The following UPP2 variants were observed in gnomAD, a reference collection of about 807,000 sequenced individuals.
UPP2 encodes uridine phosphorylase 2, also known as UPase 2.
Under a neutral mutation model 26.7 loss-of-function variants are expected in UPP2, and 23 were observed. The observed-to-expected ratio is 0.86, with a 90% confidence interval of 0.62 to 1.22. The LOEUF (loss-of-function observed/expected upper bound fraction) is 1.22. Ranked by LOEUF, UPP2 falls within the 50% of genes most tolerant of loss-of-function variation. UPP2 has a pLI of 0.00. For synonymous variants in UPP2, 127 were observed against 141.3 expected, an observed-to-expected ratio of 0.90 and a Z score of 0.72; for missense variants, 387 against 396.7, an observed-to-expected ratio of 0.98 and a Z score of 0.21.
intron 3 of UPP2, among the ~76,000 whole-genome samples, chr2:158,032,684 GTA>G (rs1683941438): frequency 6.6e-6 from 1 of 152,142 alleles, no homozygotes; most frequent in South Asian, 2.1e-4. Flanking sequence ...CTGGAACACA[GTA>G]TGTCTGGGAC....
intron 2 of UPP2, among the ~76,000 whole-genome samples, chr2:158,013,389 TG>T (rs1288719037): frequency 2.0e-5 from 3 of 152,358 alleles, no homozygotes; most frequent in African/African-American, 7.2e-5. Flanking sequence ...TTTAGGCATA[TG>T]GGCATCCATT....
chr2:158,089,280 G>C (rs1450050629), intron 3 of UPP2, among the ~76,000 whole-genome samples: 1 of 152,108 alleles, frequency 6.6e-6, no homozygotes, highest in East Asian at 1.9e-4. Flanking sequence ...TTAGTTACAG[G>C]CCTCACCTGG....
intron 3 of UPP2, among the ~76,000 whole-genome samples, chr2:158,049,488 T>G (rs1376223102): frequency 6.6e-6 from 1 of 152,252 alleles, no homozygotes; most frequent in African/African-American, 2.4e-5. Context: ...TTTAAACTTC[T>G]TCATCTGCTT....
intron 6 of UPP2, among the ~76,000 whole-genome samples, chr2:158,134,476 C>T (rs1683889811): frequency 6.6e-6 from 1 of 152,200 alleles, no homozygotes; most frequent in South Asian, 2.1e-4. Flanking sequence ...GAACATGATG[C>T]TTTCCTGAGC....
At chr2:158,007,695 A>G (rs1283490362) in intron 2 of UPP2, among the ~76,000 whole-genome samples, 1 of 149,212 alleles carries the variant, frequency 6.7e-6, no homozygotes, top group African/African-American at 2.5e-5. Context: ...TGGAGTGATC[A>G]CTGCAACCTC....
intron 3 of UPP2, among the ~76,000 whole-genome samples, chr2:158,074,817 G>T (rs1421591143): frequency 6.6e-6 from 1 of 150,880 alleles, no homozygotes; most frequent in Non-Finnish European, 1.5e-5. Context: ...AAAAGACAGG[G>T]TGACTGAGAG....
At chr2:158,103,830 A>G (rs4485524) in intron 1 of UPP2, among the ~76,000 whole-genome samples, 15,724 of 152,178 alleles carry the variant, frequency 0.1, 1,612 homozygotes, top group African/African-American at 0.26. Context: ...CTGACCACAC[A>G]CTGTATAACA....
At chr2:158,003,785 C>T (rs1287611664) in intron 2 of UPP2, among the ~76,000 whole-genome samples, 1 of 151,124 alleles carries the variant, frequency 6.6e-6, no homozygotes, top group Non-Finnish European at 1.5e-5. Context: ...ATTAGTACAA[C>T]CTCATGGCTT....
intron 2 of UPP2, among the ~76,000 whole-genome samples, chr2:158,006,060 G>C (rs1048693852): frequency 6.6e-6 from 1 of 152,188 alleles, no homozygotes; most frequent in Non-Finnish European, 1.5e-5. Flanking sequence ...ACCCAAGTCT[G>C]GGCTGTTAGT....
chr2:158,074,361 C>A (rs1682591716), intron 3 of UPP2, among the ~76,000 whole-genome samples: 1 of 151,964 alleles, frequency 6.6e-6, no homozygotes, highest in African/African-American at 2.4e-5. Context: ...AGCTATAACA[C>A]CTTTTCAAGA....
intron 3 of UPP2, among the ~76,000 whole-genome samples, chr2:158,078,351 G>T (rs908447302): frequency 6.6e-6 from 1 of 152,096 alleles, no homozygotes; most frequent in Non-Finnish European, 1.5e-5. Context: ...TTGCAGCTGT[G>T]TTCACAACAG....
chr2:158,049,516 AT>A (rs1310738358), intron 3 of UPP2, among the ~76,000 whole-genome samples: 1 of 152,196 alleles, frequency 6.6e-6, no homozygotes, highest in Non-Finnish European at 1.5e-5. Flanking sequence ...CCCAGCATTT[AT>A]TAGCAGGAGA....
At chr2:158,094,722 AATGT>A (rs1418104561) in intron 3 of UPP2, among the ~76,000 whole-genome samples, 1 of 152,150 alleles carries the variant, frequency 6.6e-6, no homozygotes, top group Non-Finnish European at 1.5e-5. Context: ...CCACCTCCAC[AATGT>A]ATTAGCATTA....
chr2:158,121,302 G>T, intron 4 of UPP2, 107 bp from the exon 5 acceptor site: 1 of 950,788 alleles, frequency 1.1e-6, no homozygotes, highest in Non-Finnish European at 1.6e-6. Flanking sequence ...TTGAAAACAG[G>T]GAGACTCATT....
At chr2:158,039,388 A>G (rs886737502) in intron 3 of UPP2, among the ~76,000 whole-genome samples, 29 of 152,330 alleles carry the variant, frequency 1.9e-4, no homozygotes, top group African/African-American at 7.0e-4. Context: ...AATCAGTTGT[A>G]TTTACAAAGC....
intron 5 of UPP2, 58 bp downstream of exon 5, chr2:158,121,676 T>C (rs1044052386): frequency 2.1e-5 from 30 of 1,448,282 alleles, no homozygotes; most frequent in Non-Finnish European, 2.9e-5. Context: ...CTCTTTGTTA[T>C]TCAAACCCAT....
chr2:158,001,451 C>T (rs1422779732), intron 2 of UPP2, among the ~76,000 whole-genome samples: 1 of 152,116 alleles, frequency 6.6e-6, no homozygotes, highest in East Asian at 1.9e-4. Context: ...AATAAATACC[C>T]TGGCCTTCTG....
At chr2:158,061,121 T>C (rs1324694189) in intron 3 of UPP2, among the ~76,000 whole-genome samples, 4 of 152,238 alleles carry the variant, frequency 2.6e-5, no homozygotes, top group African/African-American at 7.2e-5. Flanking sequence ...CTATGTTAAT[T>C]ATAGCAACGG....
At chr2:158,105,730 C>T (rs1314039974) in intron 1 of UPP2, among the ~76,000 whole-genome samples, 2 of 152,212 alleles carry the variant, frequency 1.3e-5, no homozygotes, top group African/African-American at 4.8e-5. Flanking sequence ...AATTAGATGA[C>T]CGTTACAGTC....
Sources: gnomAD v4.1 joint callset for allele counts (sites outside exome capture counted in the v4.1 genomes callset) on GRCh38, gnomAD v4.1.1 for gene constraint, MANE v1.5 for transcripts, NCBI Gene and HGNC (gene_info 2026-07-23, HGNC 2026-07-21) for gene names.